Variants in KCNN1 observed in about 807,000 individuals in gnomAD.
KCNN1 encodes small conductance calcium-activated potassium channel protein 1.
A neutral mutation model predicts 44.7 loss-of-function variants in KCNN1; 20 were observed. The observed-to-expected ratio is 0.45, with a 90% CI of 0.32 to 0.65. The LOEUF (loss-of-function observed/expected upper bound fraction) is 0.65. Among genes scored for constraint, KCNN1 ranks in the 30% least tolerant of loss-of-function variants. The pLI is 0.05. For synonymous variants in KCNN1, 324 were observed against 341.7 expected (o/e 0.95, Z 0.57); for missense variants, 632 against 785.3 (o/e 0.80, Z 2.33).
intron 1 of KCNN1, among the ~76,000 whole-genome samples, chr19:17,970,718 G>A (rs986683429): frequency 1.3e-5 from 2 of 150,744 alleles, no homozygotes; most frequent in Non-Finnish European, 3.0e-5. Flanking sequence ...GAGCTACCGC[G>A]CCCGGCCACA....
In KCNN1 at chr19:17,983,177, T is replaced by G. The variant is rs1279424752; in HGVS notation, c.917+1050T>G. On this transcript the variant is annotated intron_variant, in intron 4 of 9. Coordinates refer to ENST00000684775, the MANE Select transcript of KCNN1 (RefSeq NM_001386974.1). The surrounding 1 kb of genome is among the most constrained non-coding windows in gnomAD (Gnocchi z 4.5). ...CTGAGGCTCTGGGGGACAAAGGGAC[T>G]TGCCCGGAGCCTTGAGTCCTGGCAG... Among the ~76,000 whole-genome samples the G allele has an allele frequency of 6.6e-6, 1 of 152,058 alleles. No homozygotes were observed. Among genetic ancestry groups the G allele is most frequent in the African/African-American group, 2.4e-5 (1 of 41,408 alleles).
intron 3 of KCNN1, among the ~76,000 whole-genome samples, chr19:17,976,176 G>A (rs1488389230): frequency 1.3e-5 from 2 of 151,866 alleles, no homozygotes; most frequent in African/African-American, 4.8e-5. Flanking sequence ...GCATGATATC[G>A]GGTGCACGTA....
rs576924636 is a variant in KCNN1 at position 17,971,472 on chromosome 19, T to A, written c.-81-2336T>A. ...CAGGCAGGTTTGTATTATTATTATTTTTTTTTTGAGACGGAGTTTTGCTCT... is the reference window on the plus strand; with the variant it reads ...CAGGCAGGTTTGTATTATTATTATTATTTTTTTGAGACGGAGTTTTGCTCT... On this transcript the variant is annotated intron_variant, in intron 1 of 9. Coordinates refer to ENST00000684775, the MANE Select transcript of KCNN1 (RefSeq NM_001386974.1). Among the ~76,000 whole-genome samples the A allele has an allele frequency of 5.6e-4, 85 of 151,982 alleles. 1 individual carries two copies. Among genetic ancestry groups the A allele is most frequent in the African/African-American group, 1.5e-3 (64 of 41,442 alleles).
At position 17,998,574 on chromosome 19, in the gene KCNN1, A is replaced by C. The variant is rs2033084944; in HGVS notation, c.*168A>C. ...CTGCCCAGGCAGAGGGCAGGGCTGG[A>C]CCATGGGTGAGGGCAGGGGAGCCCG... On this transcript the variant is annotated 3_prime_UTR_variant, in exon 10 of 10. Coordinates refer to ENST00000684775, the MANE Select transcript of KCNN1 (RefSeq NM_001386974.1). This position sits in a 1 kb window ranked among gnomAD's most constrained non-coding sequence, Gnocchi z 5.4. 2.9e-6 allele frequency: 2 copies of C among 682,858 alleles called. No individual in the cohort carries two copies. Among genetic ancestry groups the C allele is most frequent in the South Asian group, 5.2e-5 (2 of 38,458 alleles). The allele number at this position is 682,858 out of a possible 1,614,324, so 42.3% of individuals were successfully genotyped here. A position where few individuals can be genotyped will look rare whatever the true frequency, so the allele number is the denominator to read the frequency against.
chr19:17,981,565 A>AAAG (rs1555768968), intron 3 of KCNN1, 144 bp from the exon 4 acceptor site: 38 of 701,164 alleles, frequency 5.4e-5, no homozygotes, highest in Middle Eastern at 4.2e-4. Context: ...AAAAAAAAAA[A>AAAG]AAAGAAAGAA....
At chr19:17,957,753 G>GA (rs1429049785) in intron 2 of KCNN1, among the ~76,000 whole-genome samples, 1 of 152,120 alleles carries the variant, frequency 6.6e-6, no homozygotes, top group African/African-American at 2.4e-5. Flanking sequence ...GAGCAATGGG[G>GA]AACCATGGCA....
chr19:17,996,075 A>G (rs772513358), intron 9 of KCNN1, among the ~76,000 whole-genome samples: 2 of 151,408 alleles, frequency 1.3e-5, no homozygotes, highest in Non-Finnish European at 2.9e-5. Flanking sequence ...CATGCCTGTA[A>G]TCCTAGCACT....
At chr19:17,965,423 G>A (rs1159196804), upstream of KCNN1, among the ~76,000 whole-genome samples, 1 of 152,120 alleles carries the variant, frequency 6.6e-6, no homozygotes, top group Non-Finnish European at 1.5e-5. Context: ...ATTGAATGTG[G>A]TTCAGGGATG....
Position 17,958,608 on chromosome 19 carries a change from C to T in KCNN1, c.-82+3927C>T, listed in dbSNP as rs559869041. ...TCAAGTGATTCTCGTGCCTTAACCT[C>T]CTGGGTAGCTTGGGACTATAGATAG... On this transcript the variant is annotated intron_variant, in intron 2 of 10. Coordinates refer to the KCNN1 transcript ENST00000222249. Among the ~76,000 whole-genome samples the T allele has an allele frequency of 7.2e-5, 11 of 151,858 alleles. No individual in the cohort carries two copies. The East Asian group carries it at 1.9e-3, about 27-fold the overall frequency.
chr19:17,964,144 A>C (rs2031744025), upstream of KCNN1, among the ~76,000 whole-genome samples: 1 of 152,226 alleles, frequency 6.6e-6, no homozygotes, highest in Non-Finnish European at 1.5e-5. The surrounding 1 kb of genome is among the most constrained non-coding windows in gnomAD (Gnocchi z 4.3). Context: ...TGAATGAATC[A>C]GTGAATAAAT....
chr19:17,978,153 G>A (rs528787526), intron 3 of KCNN1, among the ~76,000 whole-genome samples: 103 of 145,128 alleles, frequency 7.1e-4, no homozygotes, highest in African/African-American at 2.2e-3. Context: ...TTGAGATGGC[G>A]TCTTGCTCTG....
rs1027173829 is a variant in KCNN1, at chr19:17,998,020, C to T, written c.1378-132C>T. On this transcript the variant is annotated intron_variant, in intron 9 of 9. Coordinates refer to ENST00000684775, the MANE Select transcript of KCNN1 (RefSeq NM_001386974.1). The surrounding 1 kb of genome is among the most constrained non-coding windows in gnomAD (Gnocchi z 5.4). The stretch of plus-strand genomic sequence containing the variant: ...GGGGTATCCTCCCAGCCACCCCTCA[C>T]ACGGGCCCCATTAGTGGCTGGCACC... 1 of 1,006,194 alleles carries T rather than the reference C, an allele frequency of 9.9e-7. No homozygotes were observed. The highest frequency in any genetic ancestry group is 2.9e-5 in the East Asian group (1 of 34,806). 62.3% of individuals were successfully genotyped at this position (1,006,194 alleles called of 1,614,324 possible). A position where few individuals can be genotyped will look rare whatever the true frequency, so the allele number is the denominator to read the frequency against.
intron 5 of KCNN1, among the ~76,000 whole-genome samples, chr19:17,987,460 CTG>C (rs748940616): frequency 1.3e-5 from 2 of 152,174 alleles, no homozygotes; most frequent in Non-Finnish European, 2.9e-5. Flanking sequence ...CCTGTAGCAT[CTG>C]TGTGGTGCAT....
chr19:17,961,226 A>T (rs532500665), intron 2 of KCNN1, among the ~76,000 whole-genome samples: 6 of 150,124 alleles, frequency 4.0e-5, no homozygotes, highest in Non-Finnish European at 5.9e-5. Flanking sequence ...CAGTTATTAG[A>T]TCAGAGCCAG....
chr19:17,969,140 G>A (rs930380876), intron 1 of KCNN1, among the ~76,000 whole-genome samples: 2 of 152,078 alleles, frequency 1.3e-5, no homozygotes, highest in African/African-American at 4.8e-5. Context: ...CCAGATTGCA[G>A]TGGGGGAGGG....
chr19:17,989,388 G>A (rs534742176), intron 6 of KCNN1, among the ~76,000 whole-genome samples: 4 of 152,314 alleles, frequency 2.6e-5, no homozygotes, highest in East Asian at 1.9e-4. Flanking sequence ...AACCTGAGAG[G>A]TGGAGGTCGC....
At chr19:17,966,999 T>G, upstream of KCNN1, 1 of 405,190 alleles carries the variant, frequency 2.5e-6, no homozygotes. Flanking sequence ...TGTGGGATCT[T>G]TAAATATGGG....
intron 2 of KCNN1, among the ~76,000 whole-genome samples, chr19:17,954,890 T>C (rs577503875): frequency 8.2e-4 from 124 of 151,728 alleles, no homozygotes; most frequent in African/African-American, 2.9e-3. Flanking sequence ...ATACAAAAAT[T>C]GCCCGGGGAT....
chr19:17,998,818 C>G lies in KCNN1; in HGVS notation c.*412C>G, dbSNP rs1008844704. 3 of 162,664 alleles carry G rather than the reference C, an allele frequency of 1.8e-5. No homozygotes were observed. The highest frequency in any genetic ancestry group is 6.3e-5 in the Admixed American group (1 of 15,902). 10.1% of individuals were successfully genotyped at this position (162,664 alleles called of 1,614,324 possible). A position where few individuals can be genotyped will look rare whatever the true frequency, so the allele number is the denominator to read the frequency against. ...AATCAGAAAAACCTGTTCCCATCAC[C>G]GGCCTAGCCTAGAATCCTAGCCTAG... is the stretch of plus-strand genomic sequence containing the variant. On this transcript the variant is annotated 3_prime_UTR_variant, in exon 10 of 10. Transcript: ENST00000684775. The surrounding 1 kb of genome is among the most constrained non-coding windows in gnomAD (Gnocchi z 5.4).
Sources: gnomAD v4.1 joint callset for allele counts (sites outside exome capture counted in the v4.1 genomes callset) on GRCh38, gnomAD v4.1.1 for gene constraint, Gnocchi (gnomAD v3.1) non-coding constraint, MANE v1.5 for transcripts, NCBI Gene and HGNC (gene_info 2026-07-23, HGNC 2026-07-21) for gene names.